The following KDM1B variants were observed in gnomAD, a reference collection of about 807,000 sequenced individuals.
The protein encoded by KDM1B is lysine demethylase 1B.
A neutral mutation model predicts 107.4 loss-of-function variants in KDM1B; 63 were observed. The ratio of observed to expected loss-of-function variants is 0.59; its 90% CI spans 0.48 to 0.72. KDM1B has a LOEUF of 0.72. Ranked by LOEUF, KDM1B falls within the 30% of genes least tolerant of loss-of-function variation. The probability of loss-of-function intolerance (pLI) is 0.00; values close to 1 mark genes in which losing one functional copy is unlikely to be tolerated. For missense variants in KDM1B, 749 were observed against 1,020.8 expected, an observed-to-expected ratio of 0.73 and a Z score of 3.63; for synonymous variants, 363 against 363.9, an observed-to-expected ratio of 1.00 and a Z score of 0.03.
At chr6:18,161,226 C>T (rs554585618) in intron 3 of KDM1B, 101 bp from the exon 4 acceptor site, 35 of 1,078,490 alleles carry the variant, frequency 3.2e-5, no homozygotes, top group Middle Eastern at 2.1e-4. Context: ...TGTTTTTGAC[C>T]TTCATGTTTA....
rs199782218 is a variant in KDM1B, at chr6:18,213,673, G to C, written c.2001G>C (p.Pro667=). 6.2e-7 allele frequency: 1 copy of C among 1,614,082 alleles called. No individual in the cohort carries two copies. The highest frequency in any genetic ancestry group is 1.1e-5 in the South Asian group (1 of 91,076). ...GIIEKIALQF[P]YRFWDSKVQG... is the part of the protein sequence containing the mutation. ...CTTTGCAGATTGCCTTGCAATTTCC[G>C]TATAGATTTTGGGACAGTAAAGTAC... The change falls in exon 19 of 22, where the codon CCG becomes CCC. Residue 667 remains proline, a synonymous_variant. Coordinates refer to ENST00000650836, the MANE Select transcript of KDM1B (RefSeq NM_001364614.2). This position sits in a 1 kb window ranked among gnomAD's most constrained non-coding sequence, Gnocchi z 5.9.
intron 5 of KDM1B, among the ~76,000 whole-genome samples, chr6:18,164,064 C>A (rs1785134928): frequency 6.6e-6 from 1 of 152,142 alleles, no homozygotes; most frequent in Non-Finnish European, 1.5e-5. Flanking sequence ...ATAATTGTCT[C>A]TTAACATTTC....
rs1788269621 is a variant in KDM1B, at chr6:18,204,849, T to C, written c.1532-688T>C. On this transcript the variant is annotated intron_variant, in intron 14 of 21. Transcript: ENST00000650836. The surrounding 1 kb of genome is among the most constrained non-coding windows in gnomAD (Gnocchi z 4.9). Reference sequence around the variant, plus strand: ...AGGGAGAGTGGGAGGTCGCAGACCCTGCAGGGTAGGAATTTACCAGGAAAA... The same window carrying C: ...AGGGAGAGTGGGAGGTCGCAGACCCCGCAGGGTAGGAATTTACCAGGAAAA... Among the ~76,000 whole-genome samples the C allele has an allele frequency of 6.6e-6, 1 of 152,164 alleles. No homozygotes were observed. The highest frequency in any genetic ancestry group is 2.4e-5 in the African/African-American group (1 of 41,456).
At chr6:18,173,785 A>G (rs182046213) in intron 7 of KDM1B, among the ~76,000 whole-genome samples, 1 of 151,838 alleles carries the variant, frequency 6.6e-6, no homozygotes, top group Non-Finnish European at 1.5e-5. Flanking sequence ...CCATTGCTTT[A>G]TTTTATTTTA....
Position 18,207,506 on chromosome 6 carries a change from C to T in KDM1B, c.1768C>T (p.Leu590Phe). ...SVIIEKLAEG[L>F]DIQLKSPVQC... is the part of the protein sequence containing the mutation. ...GATAATTGAAAAACTGGCAGAAGGG[C>T]TTGACATTCAACTCAAATCTCCAGT... Residue 590 changes from leucine to phenylalanine, a missense_variant, in exon 16 of 22, where the codon CTT becomes TTT. Transcript: ENST00000650836. The T allele has an allele frequency of 3.7e-6, 6 of 1,614,224 alleles. No individual in the cohort carries two copies. Among genetic ancestry groups the T allele is most frequent in the Non-Finnish European group, 5.1e-6 (6 of 1,180,030 alleles).
chr6:18,162,940 G>A lies in KDM1B; in HGVS notation c.305+16G>A. On this transcript the variant is annotated intron_variant, in intron 5 of 21. Coordinates refer to ENST00000650836, the MANE Select transcript of KDM1B (RefSeq NM_001364614.2). The surrounding 1 kb of genome is among the most constrained non-coding windows in gnomAD (Gnocchi z 4.1). The stretch of plus-strand genomic sequence containing the variant: ...ACTACAGAAGGTATGTTCACTAATT[G>A]TGTGAGGTTTCCCTGGAGAAGGGGA... The A allele has an allele frequency of 6.6e-7, 1 of 1,519,798 alleles. No homozygotes were observed. Among genetic ancestry groups the A allele is most frequent in the South Asian group, 1.1e-5 (1 of 89,048 alleles). The allele number at this position is 1,519,798 out of a possible 1,614,324, so 94.1% of individuals were successfully genotyped here. A position where few individuals can be genotyped will look rare whatever the true frequency, so the allele number is the denominator to read the frequency against.
chr6:18,189,802 G>A (rs1407201161), intron 9 of KDM1B, among the ~76,000 whole-genome samples: 1 of 152,132 alleles, frequency 6.6e-6, no homozygotes, highest in Non-Finnish European at 1.5e-5. Context: ...GTTAGTGATT[G>A]TTATTTACTT....
chr6:18,169,142 G>A (rs961841522), intron 6 of KDM1B, among the ~76,000 whole-genome samples: 79 of 152,080 alleles, frequency 5.2e-4, no homozygotes, highest in African/African-American at 1.9e-3. Flanking sequence ...AAAGTGCTGG[G>A]ATTACAGATG....
rs1046146388 is a variant in KDM1B, at chr6:18,205,732, G to A, written c.1659+68G>A. 13 of 1,390,646 alleles carry A rather than the reference G, an allele frequency of 9.3e-6. No individual in the cohort carries two copies. The highest frequency in any genetic ancestry group is 6.2e-5 in the South Asian group (4 of 64,298). The allele number at this position is 1,390,646 out of a possible 1,614,324, so 86.1% of individuals were successfully genotyped here. A position where few individuals can be genotyped will look rare whatever the true frequency, so the allele number is the denominator to read the frequency against. ...GTTTAGGCCGGGCGCAGTGGCTCAC[G>A]CCTGTAATCCCAGCACTTTGGGAGG... is the stretch of plus-strand genomic sequence containing the variant. On this transcript the variant is annotated intron_variant, in intron 15 of 21. Coordinates refer to ENST00000650836, the MANE Select transcript of KDM1B (RefSeq NM_001364614.2). This position sits in a 1 kb window ranked among gnomAD's most constrained non-coding sequence, Gnocchi z 5.7.
intron 10 of KDM1B, among the ~76,000 whole-genome samples, chr6:18,193,186 ACT>A (rs1205826848): frequency 1.5e-5 from 2 of 137,240 alleles, no homozygotes; most frequent in African/African-American, 3.0e-5. Flanking sequence ...CAAGAACGAA[ACT>A]CTGTCTAAAA....
At position 18,213,667 on chromosome 6, in the gene KDM1B, A is replaced by G; in HGVS notation, c.1995A>G (p.Gln665=). ...GAGIIEKIAL[Q]FPYRFWDSKV... ...TGCTCACTTTGCAGATTGCCTTGCA[A>G]TTTCCGTATAGATTTTGGGACAGTA... Residue 665 remains glutamine, a synonymous_variant, in exon 19 of 22, where the codon CAA becomes CAG. Coordinates refer to ENST00000650836, the MANE Select transcript of KDM1B (RefSeq NM_001364614.2). The surrounding 1 kb of genome is among the most constrained non-coding windows in gnomAD (Gnocchi z 5.9). 1 of 1,614,040 alleles carries G rather than the reference A, an allele frequency of 6.2e-7. No individual in the cohort carries two copies. The highest frequency in any genetic ancestry group is 8.5e-7 in the Non-Finnish European group (1 of 1,179,966).
chr6:18,163,365 G>GT (rs776864719), intron 5 of KDM1B, among the ~76,000 whole-genome samples: 2 of 152,092 alleles, frequency 1.3e-5, no homozygotes, highest in African/African-American at 2.4e-5. Context: ...CAGCGAAACA[G>GT]TTATTTCTTG....
intron 2 of KDM1B, among the ~76,000 whole-genome samples, 159 bp downstream of exon 2, chr6:18,156,085 C>G (rs1189317125): frequency 6.6e-6 from 1 of 152,208 alleles, no homozygotes. Context: ...AACTCCCTCG[C>G]TTGTTCTTCC....
intron 9 of KDM1B, among the ~76,000 whole-genome samples, chr6:18,189,868 G>C (rs913256310): frequency 6.6e-6 from 1 of 152,040 alleles, no homozygotes. Flanking sequence ...ATTTTAGGCC[G>C]GGCACAGTGG....
chr6:18,183,447 A>T (rs775967999), intron 7 of KDM1B, among the ~76,000 whole-genome samples: 13 of 151,486 alleles, frequency 8.6e-5, no homozygotes, highest in Non-Finnish European at 1.8e-4. Flanking sequence ...TTTAGTAGAG[A>T]CGGGGTTTCA....
At position 18,221,892 on chromosome 6, in the gene KDM1B, G is replaced by A; in HGVS notation, c.2386-17G>A. ...AACTCTATGCATGATCTCAAATTAT[G>A]TAATTATGTTTTACAGGCAACAAAC... On this transcript the variant is annotated splice_polypyrimidine_tract_variant and intron_variant, in intron 21 of 21. Transcript: ENST00000650836. 6.3e-7 allele frequency: 1 copy of A among 1,580,314 alleles called. No individual in the cohort carries two copies. Among genetic ancestry groups the A allele is most frequent in the Non-Finnish European group, 8.6e-7 (1 of 1,158,786 alleles).
chr6:18,210,350 T>TTTTG (rs1788754645), intron 17 of KDM1B, among the ~76,000 whole-genome samples: 1 of 45,510 alleles, frequency 2.2e-5, no homozygotes, highest in Non-Finnish European at 4.2e-5. Context: ...TTCTTTTTTT[T>TTTTG]TTTTTTTTTT....
chr6:18,207,274 T>TG, intron 15 of KDM1B, 124 bp from the exon 16 acceptor site: 1 of 918,142 alleles, frequency 1.1e-6, no homozygotes, highest in East Asian at 2.4e-5. Context: ...CTGCCTAGGC[T>TG]GGTCTGCCTG....
intron 7 of KDM1B, among the ~76,000 whole-genome samples, chr6:18,176,058 A>G (rs1372960656): frequency 1.3e-5 from 2 of 152,144 alleles, no homozygotes; most frequent in African/African-American, 2.4e-5. Context: ...TTTTGGCAAT[A>G]TGGTCATTTT....
Sources: allele counts gnomAD v4.1 joint callset (sites outside exome capture counted in the v4.1 genomes callset), GRCh38; gene constraint gnomAD v4.1.1; non-coding constraint Gnocchi (gnomAD v3.1); transcripts MANE v1.5; gene names NCBI Gene and HGNC (gene_info 2026-07-23, HGNC 2026-07-21).